The following UXS1 variants were observed in gnomAD, a reference collection of about 807,000 sequenced individuals.
The protein encoded by UXS1 is UDP-glucuronic acid decarboxylase 1.
A neutral mutation model predicts 62.6 loss-of-function variants in UXS1; 33 were observed. That is an observed-to-expected ratio of 0.53 (90% CI 0.40 to 0.70). The LOEUF is 0.70. Among genes scored for constraint, UXS1 ranks in the 30% least tolerant of loss-of-function variants. The pLI, the probability that UXS1 is intolerant of heterozygous loss-of-function variation, is 0.00. For synonymous variants in UXS1, 213 were observed against 206.8 expected (o/e 1.03, Z -0.26); for missense variants, 434 against 556.3 (o/e 0.78, Z 2.21).
At chr2:106,163,599 C>CTG (rs10631203) in intron 4 of UXS1, 68 bp downstream of exon 4, 1,179,404 of 1,185,714 alleles carry the variant, frequency 0.99, 586,719 homozygotes, top group East Asian at 1. Context: ...AGCAAACAAA[C>CTG]AGAATTAATT....
chr2:106,191,791 C>T (rs1684952925), intron 1 of UXS1, among the ~76,000 whole-genome samples: 1 of 152,258 alleles, frequency 6.6e-6, no homozygotes, highest in Non-Finnish European at 1.5e-5. Flanking sequence ...CCATTCTCAG[C>T]TCACTTTTGA....
chr2:106,184,044 T>C (rs1343817980), intron 1 of UXS1, among the ~76,000 whole-genome samples: 1 of 151,968 alleles, frequency 6.6e-6, no homozygotes, highest in African/African-American at 2.4e-5. Flanking sequence ...ATACAAAAAT[T>C]AGCCGGGCGT....
chr2:106,100,999 T>A (rs1419531658), intron 12 of UXS1, 59 bp downstream of exon 12: 1 of 1,602,766 alleles, frequency 6.2e-7, no homozygotes, highest in Admixed American at 1.7e-5. Context: ...CTGCTCATGG[T>A]TTCACAAATG....
chr2:106,186,694 T>C (rs1486668363), intron 1 of UXS1, among the ~76,000 whole-genome samples: 1 of 152,176 alleles, frequency 6.6e-6, no homozygotes, highest in Non-Finnish European at 1.5e-5. Flanking sequence ...GGCACACACC[T>C]GTAGTCCCAG....
intron 10 of UXS1, 108 bp from the exon 11 acceptor site, chr2:106,104,945 G>T: frequency 7.5e-7 from 1 of 1,340,434 alleles, no homozygotes; most frequent in Non-Finnish European, 1.1e-6. Flanking sequence ...GATCCCAGGG[G>T]GCAGTGATGC....
At chr2:106,148,843 G>A (rs932264373) in intron 5 of UXS1, among the ~76,000 whole-genome samples, 51 of 152,148 alleles carry the variant, frequency 3.4e-4, no homozygotes, top group African/African-American at 1.1e-3. Flanking sequence ...AAAGAGAACA[G>A]GAGAAAAGAA....
At chr2:106,142,579 A>G (rs1220996527) in intron 6 of UXS1, among the ~76,000 whole-genome samples, 2 of 152,208 alleles carry the variant, frequency 1.3e-5, no homozygotes, top group African/African-American at 4.8e-5. Context: ...ATGGCTGAGA[A>G]TATGATCAGT....
intron 11 of UXS1, among the ~76,000 whole-genome samples, chr2:106,104,077 G>A (rs934216746): frequency 2.6e-5 from 4 of 152,186 alleles, no homozygotes; most frequent in Non-Finnish European, 5.9e-5. Flanking sequence ...AATGAAGAGT[G>A]AAAATATGTG....
At chr2:106,118,025 T>G (rs984559262) in intron 9 of UXS1, among the ~76,000 whole-genome samples, 1 of 152,142 alleles carries the variant, frequency 6.6e-6, no homozygotes, top group African/African-American at 2.4e-5. Flanking sequence ...TTCCTGAGGT[T>G]TGCTCTGCAG....
At chr2:106,180,851 T>C (rs1414991976) in intron 1 of UXS1, among the ~76,000 whole-genome samples, 2 of 152,214 alleles carry the variant, frequency 1.3e-5, no homozygotes, top group Non-Finnish European at 2.9e-5. Flanking sequence ...CCTCCCAACT[T>C]CGCAAATATC....
chr2:106,178,074 C>G (rs548872178), intron 1 of UXS1, among the ~76,000 whole-genome samples: 1 of 152,220 alleles, frequency 6.6e-6, no homozygotes. Context: ...ATTCTAGACG[C>G]CCCTTCTCCC....
At chr2:106,181,475 T>A (rs545746833) in intron 1 of UXS1, among the ~76,000 whole-genome samples, 43 of 152,158 alleles carry the variant, frequency 2.8e-4, no homozygotes, top group African/African-American at 9.4e-4. Context: ...TCCCAGCACT[T>A]TGGGAGGTCA....
intron 11 of UXS1, among the ~76,000 whole-genome samples, chr2:106,103,425 A>G (rs1023927419): frequency 6.6e-6 from 1 of 152,204 alleles, no homozygotes; most frequent in Non-Finnish European, 1.5e-5. Context: ...ACTCCCTCAG[A>G]AAAGGGCACA....
intron 6 of UXS1, among the ~76,000 whole-genome samples, chr2:106,144,529 A>C (rs944007278): frequency 1.1e-4 from 17 of 152,370 alleles, no homozygotes; most frequent in Admixed American, 2.6e-4. Context: ...ACTCATACTA[A>C]AAGAATATTT....
intron 6 of UXS1, chr2:106,138,939 G>T: frequency 2.1e-6 from 2 of 951,806 alleles, no homozygotes; most frequent in Non-Finnish European, 2.5e-6. Context: ...AATTCTGAAG[G>T]GGAGAGAAGA....
chr2:106,152,978 T>A (rs1406513695), intron 5 of UXS1, among the ~76,000 whole-genome samples: 1 of 152,158 alleles, frequency 6.6e-6, no homozygotes, highest in Non-Finnish European at 1.5e-5. Flanking sequence ...ACAGAGGTAC[T>A]GAAAACAGTG....
At chr2:106,136,644 C>T (rs1374105159) in intron 6 of UXS1, among the ~76,000 whole-genome samples, 1 of 51,434 alleles carries the variant, frequency 1.9e-5, no homozygotes, top group Non-Finnish European at 3.9e-5. Context: ...CCATCATTCT[C>T]AGTAAACTAT....
intron 1 of UXS1, among the ~76,000 whole-genome samples, chr2:106,178,027 C>T (rs1684001836): frequency 6.6e-6 from 1 of 152,220 alleles, no homozygotes; most frequent in Non-Finnish European, 1.5e-5. Context: ...CAGAAGAACT[C>T]CTCTGTACAA....
chr2:106,146,610 C>T (rs1290169274), intron 5 of UXS1, among the ~76,000 whole-genome samples: 1 of 151,560 alleles, frequency 6.6e-6, no homozygotes, highest in Non-Finnish European at 1.5e-5. Flanking sequence ...GAAACCCTGT[C>T]TCTACTAAAA....
Sources: allele counts gnomAD v4.1 joint callset (sites outside exome capture counted in the v4.1 genomes callset), GRCh38; gene constraint gnomAD v4.1.1; transcripts MANE v1.5; gene names NCBI Gene and HGNC (gene_info 2026-07-23, HGNC 2026-07-21).